Variants in TUFM observed in about 807,000 individuals in gnomAD.
TUFM encodes the protein Tu translation elongation factor, mitochondrial, also known as elongation factor Tu, mitochondrial.
A neutral mutation model predicts 45.0 loss-of-function variants in TUFM; 23 were observed. The observed-to-expected ratio is 0.51, with a 90% CI of 0.37 to 0.72. The LOEUF is 0.72. Ranked by LOEUF, TUFM falls within the 30% of genes least tolerant of loss-of-function variation. The pLI, the probability that TUFM is intolerant of heterozygous loss-of-function variation, is 0.00. For synonymous variants in TUFM, 243 were observed against 252.9 expected (o/e 0.96, Z 0.37); for missense variants, 490 against 610.7 (o/e 0.80, Z 2.08).
Position 28,843,956 on chromosome 16 carries a change from C to G in TUFM, c.1068G>C (p.Glu356Asp). ...PGSIKPHQKVEAQVYILSKEE... is the reference protein window; with the variant it reads ...PGSIKPHQKVDAQVYILSKEE... ...CGTCACCTGGAGCCCTCACCTGGGCCTCCACCTTCTGGTGGGGCTTGATGG... is the reference window on the plus strand; with the variant it reads ...CGTCACCTGGAGCCCTCACCTGGGCGTCCACCTTCTGGTGGGGCTTGATGG... Residue 356 changes from glutamate (E) to aspartate (D), a missense_variant, in exon 8 of 10, where the codon GAG (glutamate) becomes GAC (aspartate). Coordinates refer to ENST00000313511, the MANE Select transcript of TUFM (RefSeq NM_003321.5). The G allele has an allele frequency of 1.2e-6, 2 of 1,614,148 alleles. No homozygotes were observed. The highest frequency in any genetic ancestry group is 1.7e-6 in the Non-Finnish European group (2 of 1,180,014).
Position 28,845,914 on chromosome 16 carries a change from T to C in TUFM, c.245A>G (p.Lys82Arg). ...GKTTLTAAIT[K>R]ILAEGGGAKF... ...CTGGACGCCCCAACCCCACTCACTC[T>C]TCGTGATGGCTGCAGTCAGCGTGGT... Residue 82 changes from lysine (K) to arginine (R), a missense_variant and splice_region_variant, in exon 2 of 10, where the codon AAG becomes AGG. Physicochemically the swap from Lys to Arg is conservative, Grantham distance 26. Transcript: ENST00000313511. 1.9e-6 allele frequency: 3 copies of C among 1,613,902 alleles called. No individual in the cohort carries two copies. The African/African-American group carries it at 4.0e-5, about 22-fold the overall frequency.
rs776762156 is a variant in TUFM at position 28,845,397 on chromosome 16, T to C, written c.331A>G (p.Ile111Val). ...CTATACTCCACATGAGCCGCATTGA[T>C]GGTGATACCCCGAGCTCGCTCCTCC... is the stretch of plus-strand genomic sequence containing the variant. ...APEERARGIT[I>V]NAAHVEYSTA... The change falls in exon 3 of 10, where the codon ATC (isoleucine) becomes GTC (valine). Residue 111 changes from isoleucine to valine, a missense_variant. Transcript: ENST00000313511. The C allele has an allele frequency of 6.2e-7, 1 of 1,614,130 alleles. No homozygotes were observed. Among genetic ancestry groups the C allele is most frequent in the East Asian group, 2.2e-5 (1 of 44,884 alleles).
intron 8 of TUFM, 21 bp downstream of exon 8, chr16:28,843,929 A>G (rs780459003): frequency 6.2e-7 from 1 of 1,614,068 alleles, no homozygotes; most frequent in Non-Finnish European, 8.5e-7. Context: ...AACCCTGCCC[A>G]CCGTCACCTG....
rs760210915 is a variant in TUFM, at chr16:28,842,627, G to A, written c.*348C>T. 2.0e-5 allele frequency: 7 copies of A among 341,842 alleles called. No homozygotes were observed. The highest frequency in any genetic ancestry group is 1.7e-4 in the Admixed American group (4 of 23,390). The allele number at this position is 341,842 out of a possible 1,614,324, so 21.2% of individuals were successfully genotyped here. A position where few individuals can be genotyped will look rare whatever the true frequency, so the allele number is the denominator to read the frequency against. On this transcript the variant is annotated 3_prime_UTR_variant, in exon 10 of 10. Transcript: ENST00000313511. ...ACTATCTCCCAGGAGGCTGAATAAC[G>A]GCATCCTACTGTGTCTAGGCAATCA...
In TUFM at chr16:28,843,750, G is replaced by A. The variant is rs146751331; in HGVS notation, c.1180C>T (p.Leu394=). 1.9e-6 allele frequency: 3 copies of A among 1,613,020 alleles called. No homozygotes were observed. The highest frequency in any genetic ancestry group is 2.5e-6 in the Non-Finnish European group (3 of 1,179,958). ...LTWDMACRII[L]PPEKELAMPG... is the part of the protein sequence containing the mutation. The stretch of plus-strand genomic sequence containing the variant: ...ACCCACCGTACCTTCTCTGGGGGCA[G>A]GATAATCCGACAGGCCATGTCCCAA... Residue 394 remains leucine, a synonymous_variant, in exon 9 of 10, where the codon CTG becomes TTG. Coordinates refer to ENST00000313511, the MANE Select transcript of TUFM (RefSeq NM_003321.5).
intron 2 of TUFM, 62 bp downstream of exon 2, chr16:28,845,850 C>A: frequency 1.3e-6 from 2 of 1,598,120 alleles, no homozygotes; most frequent in Non-Finnish European, 1.7e-6. Flanking sequence ...GCTGGCCTTG[C>A]CTCCCTGGCT....
chr16:28,843,241 A>G, intron 9 of TUFM, 93 bp from the exon 10 acceptor site: 2 of 1,327,690 alleles, frequency 1.5e-6, no homozygotes. Context: ...GAGTCATGGG[A>G]GAATGCAGCA....
chr16:28,842,907 G>C lies in TUFM; in HGVS notation c.*68C>G. 1 of 1,597,730 alleles carries C rather than the reference G, an allele frequency of 6.3e-7. No homozygotes were observed. The highest frequency in any genetic ancestry group is 8.6e-7 in the Non-Finnish European group (1 of 1,167,248). On this transcript the variant is annotated 3_prime_UTR_variant, in exon 10 of 10. Coordinates refer to ENST00000313511, the MANE Select transcript of TUFM (RefSeq NM_003321.5). ...CAGCCTATGCCATGAGAGGGTACTG[G>C]AAGCAGGAGGGAGCCCTGGCTAGGG...
At chr16:28,845,874 G>C in intron 2 of TUFM, 38 bp downstream of exon 2, 1 of 1,609,936 alleles carries the variant, frequency 6.2e-7, no homozygotes, top group Non-Finnish European at 8.5e-7. Context: ...GGTCCCATCA[G>C]TAGATAGGGC....
At chr16:28,845,119 C>G in intron 3 of TUFM, 64 bp from the exon 4 acceptor site, 1 of 1,589,330 alleles carries the variant, frequency 6.3e-7, no homozygotes, top group Non-Finnish European at 8.6e-7. Context: ...ATCCATATAG[C>G]CAAGTGTAGC....
In TUFM at chr16:28,845,493, A is replaced by C. The variant is rs775737562; in HGVS notation, c.248-13T>G. On this transcript the variant is annotated splice_polypyrimidine_tract_variant and intron_variant, in intron 2 of 9. Coordinates refer to ENST00000313511, the MANE Select transcript of TUFM (RefSeq NM_003321.5). Reference sequence around the variant, plus strand: ...CCCTCAGCTAGAACTAAAGGAGGAAAAGAACACACCTCTCAGCTAAAGTTC... The same window carrying C: ...CCCTCAGCTAGAACTAAAGGAGGAACAGAACACACCTCTCAGCTAAAGTTC... 1.2e-6 allele frequency: 2 copies of C among 1,614,130 alleles called. No individual in the cohort carries two copies. Among genetic ancestry groups the C allele is most frequent in the Non-Finnish European group, 1.7e-6 (2 of 1,180,010 alleles).
rs1309812560 is a variant in TUFM, at chr16:28,845,250, C to T, written c.414+64G>A. On this transcript the variant is annotated intron_variant, in intron 3 of 9. Coordinates refer to ENST00000313511, the MANE Select transcript of TUFM (RefSeq NM_003321.5). ...AATATCTTAATCTCCTCCCCACAAG[C>T]CTAACATTTATCCTGACAAGAGGCA... The T allele has an allele frequency of 1.9e-5, 31 of 1,612,154 alleles. No individual in the cohort carries two copies. The East Asian group carries it at 6.9e-4, about 36-fold the overall frequency.
Position 28,844,168 on chromosome 16 carries a change from G to A in TUFM, c.922+62C>T, listed in dbSNP as rs1961871895. 1.2e-6 allele frequency: 2 copies of A among 1,613,510 alleles called. No individual in the cohort carries two copies. Among genetic ancestry groups the A allele is most frequent in the Middle Eastern group, 1.7e-4 (1 of 6,060 alleles). ...ATGTGAGACAGAGGGAAGGCACAAG[G>A]GATCTGCCGGGGTAAGGCCACCCTT... On this transcript the variant is annotated intron_variant, in intron 7 of 9. Coordinates refer to ENST00000313511, the MANE Select transcript of TUFM (RefSeq NM_003321.5). The surrounding 1 kb of genome is among the most constrained non-coding windows in gnomAD (Gnocchi z 5.8).
chr16:28,843,892 G>C (rs762348070), intron 8 of TUFM, 37 bp from the exon 9 acceptor site: 1 of 1,614,098 alleles, frequency 6.2e-7, no homozygotes, highest in Admixed American at 1.7e-5. Flanking sequence ...AGCTGGGCTT[G>C]GCTGGAGGCT....
chr16:28,842,566 C>T lies in TUFM; in HGVS notation c.*409G>A, dbSNP rs974155708. The T allele has an allele frequency of 3.5e-6, 1 of 287,056 alleles. No homozygotes were observed. The highest frequency in any genetic ancestry group is 2.2e-5 in the African/African-American group (1 of 45,544). 17.8% of individuals were successfully genotyped at this position (287,056 alleles called of 1,614,324 possible). ...GATGGGTTTGGCACCTGAGCTGAAG[C>T]CATGCTGGCTCCAGAGCGATAGAAC... On this transcript the variant is annotated 3_prime_UTR_variant, in exon 10 of 10. Coordinates refer to ENST00000313511, the MANE Select transcript of TUFM (RefSeq NM_003321.5).
At position 28,842,796 on chromosome 16, in the gene TUFM, A is replaced by G. The variant is rs1351668130; in HGVS notation, c.*179T>C. 2 of 787,426 alleles carry G rather than the reference A, an allele frequency of 2.5e-6. No individual in the cohort carries two copies. Among genetic ancestry groups the G allele is most frequent in the Non-Finnish European group, 4.3e-6 (2 of 460,352 alleles). The allele number at this position is 787,426 out of a possible 1,614,324, so 48.8% of individuals were successfully genotyped here. On this transcript the variant is annotated 3_prime_UTR_variant, in exon 10 of 10. Coordinates refer to ENST00000313511, the MANE Select transcript of TUFM (RefSeq NM_003321.5). The stretch of plus-strand genomic sequence containing the variant: ...GACACAGGACACAGGCTGGCTTACT[A>G]TTCAAAGTTTACTGACCTCCCCAGC...
At chr16:28,845,249 G>T in intron 3 of TUFM, 65 bp downstream of exon 3, 2 of 1,611,488 alleles carry the variant, frequency 1.2e-6, no homozygotes, top group Non-Finnish European at 1.7e-6. Flanking sequence ...CTCCCCACAA[G>T]CCTAACATTT....
Position 28,844,670 on chromosome 16 carries a change from C to T in TUFM, c.684+28G>A. The T allele has an allele frequency of 6.2e-7, 1 of 1,614,174 alleles. No homozygotes were observed. Among genetic ancestry groups the T allele is most frequent in the Non-Finnish European group, 8.5e-7 (1 of 1,180,046 alleles). On this transcript the variant is annotated intron_variant, in intron 5 of 9. Transcript: ENST00000313511. This position sits in a 1 kb window ranked among gnomAD's most constrained non-coding sequence, Gnocchi z 5.8. ...GCCCATCCAGCCCCACCCTCTGCAG[C>T]AGCTGCCCTGCCTGACCCCGCGTTC...
In TUFM at chr16:28,844,895, A is replaced by G. The variant is rs1180137404; in HGVS notation, c.520-33T>C. The G allele has an allele frequency of 6.2e-7, 1 of 1,614,146 alleles. No individual in the cohort carries two copies. The highest frequency in any genetic ancestry group is 8.5e-7 in the Non-Finnish European group (1 of 1,180,036). On this transcript the variant is annotated intron_variant, in intron 4 of 9. Transcript: ENST00000313511. This position sits in a 1 kb window ranked among gnomAD's most constrained non-coding sequence, Gnocchi z 5.8. ...TGCCAGAGAGACAGGGACAATATAC[A>G]GAGGGGCCCAACTCCCCACTCTTCC... is the stretch of plus-strand genomic sequence containing the variant.
Sources: allele counts gnomAD v4.1 joint callset, GRCh38; gene constraint gnomAD v4.1.1; non-coding constraint Gnocchi (gnomAD v3.1); transcripts MANE v1.5; gene names NCBI Gene and HGNC (gene_info 2026-07-23, HGNC 2026-07-21).